CDH18: variants seen among roughly 807,000 people sequenced by gnomAD.
CDH18 encodes cadherin 18, also known as cadherin-18.
CDH18 carries 31 observed loss-of-function variants against 67.9 expected under a neutral mutation model. That is an observed-to-expected ratio of 0.46 (90% CI 0.34 to 0.62). The LOEUF (loss-of-function observed/expected upper bound fraction) is 0.62. Among genes scored for constraint, CDH18 ranks in the 20% least tolerant of loss-of-function variants. The pLI is 0.01. For missense variants in CDH18, 890 were observed against 975.5 expected (o/e 0.91, Z 1.17); for synonymous variants, 362 against 347.2 (o/e 1.04, Z -0.48).
At chr5:19,787,747 T>TA (rs1775959219) in intron 3 of CDH18, among the ~76,000 whole-genome samples, 1 of 150,292 alleles carries the variant, frequency 6.7e-6, no homozygotes, top group Non-Finnish European at 1.5e-5. Flanking sequence ...AGATAGAATT[T>TA]AAAAAAATAA....
At chr5:19,920,003 A>G (rs1792253790) in intron 2 of CDH18, among the ~76,000 whole-genome samples, 1 of 152,192 alleles carries the variant, frequency 6.6e-6, no homozygotes, top group East Asian at 1.9e-4. Context: ...AAGGCCTAAT[A>G]AATTGCAAAA....
At position 20,418,242 on chromosome 5, in the gene CDH18, ATTTTTTTT is replaced by A. The variant is rs58308147; in HGVS notation, c.-580+157212_-580+157219del. 4.0e-3 allele frequency among the ~76,000 whole-genome samples: 229 copies of A among 56,928 alleles called. 3 individuals are homozygous for A. The Middle Eastern group carries it at 0.083, about 21-fold the overall frequency. The allele number at this position is 56,928 out of a possible 152,430, so 37.3% of individuals were successfully genotyped here. Reference sequence around the variant, plus strand: ...AGGTGTCTGCCACCACTGCTGGCTAATTTTTTTTTTTTTTTTTTTTTTTTGTATTTTCA... The same window carrying A: ...AGGTGTCTGCCACCACTGCTGGCTAATTTTTTTTTTTTTTTTGTATTTTCA... On this transcript the variant is annotated intron_variant, in intron 1 of 14. Coordinates refer to the CDH18 transcript ENST00000507958.
At chr5:19,864,886 G>T (rs1212102374) in intron 2 of CDH18, among the ~76,000 whole-genome samples, 2 of 152,098 alleles carry the variant, frequency 1.3e-5, no homozygotes, top group African/African-American at 4.8e-5. Context: ...CACAAATTTG[G>T]ATGTGCAAGG....
intron 1 of CDH18, among the ~76,000 whole-genome samples, chr5:20,516,479 T>C (rs1755379068): frequency 6.6e-6 from 1 of 151,968 alleles, no homozygotes; most frequent in Non-Finnish European, 1.5e-5. Context: ...CAGGTGACTT[T>C]GGGCTGAGTT....
At chr5:20,258,721 C>T (rs1021113102) in intron 1 of CDH18, among the ~76,000 whole-genome samples, 28 of 151,988 alleles carry the variant, frequency 1.8e-4, no homozygotes, top group African/African-American at 6.3e-4. Flanking sequence ...TACTTTCATA[C>T]TTACATGTTC....
chr5:20,211,275 A>C (rs1005471539), intron 2 of CDH18, among the ~76,000 whole-genome samples: 1 of 152,290 alleles, frequency 6.6e-6, no homozygotes, highest in Non-Finnish European at 1.5e-5. Flanking sequence ...TGGGCAGCTC[A>C]ATGAGGCCTG....
intron 2 of CDH18, among the ~76,000 whole-genome samples, chr5:19,967,337 T>C (rs1207754829): frequency 6.6e-6 from 1 of 152,070 alleles, no homozygotes; most frequent in Non-Finnish European, 1.5e-5. Flanking sequence ...ATGTTATAAT[T>C]AGAAAAATAT....
chr5:20,216,856 GA>G (rs2126421892), intron 2 of CDH18, among the ~76,000 whole-genome samples: 1 of 151,972 alleles, frequency 6.6e-6, no homozygotes, highest in East Asian at 1.9e-4. Flanking sequence ...AAAGACAAAG[GA>G]AGGATCTTAA....
chr5:19,623,715 T>C, intron 5 of CDH18, among the ~76,000 whole-genome samples: 1 of 151,704 alleles, frequency 6.6e-6, no homozygotes, highest in East Asian at 1.9e-4. Context: ...ACACTTGGAA[T>C]ACGTGTTGTT....
chr5:20,569,483 G>A (rs746133434), intron 1 of CDH18, among the ~76,000 whole-genome samples: 8 of 151,924 alleles, frequency 5.3e-5, no homozygotes, highest in African/African-American at 1.4e-4. Context: ...TTAGCCAGGC[G>A]TGGTGTCATC....
At chr5:19,969,388 T>G (rs1797801378) in intron 2 of CDH18, among the ~76,000 whole-genome samples, 1 of 150,072 alleles carries the variant, frequency 6.7e-6, no homozygotes, top group African/African-American at 2.5e-5. Context: ...TAAAGACACA[T>G]GCACATGTAT....
intron 3 of CDH18, among the ~76,000 whole-genome samples, chr5:19,797,684 GACAA>G (rs754047198): frequency 6.6e-6 from 1 of 151,848 alleles, no homozygotes; most frequent in Non-Finnish European, 1.5e-5. Context: ...AGAAATCAAA[GACAA>G]ACAAAATAAA....
intron 1 of CDH18, among the ~76,000 whole-genome samples, chr5:20,256,510 A>G (rs1332604436): frequency 6.6e-6 from 1 of 152,134 alleles, no homozygotes; most frequent in Non-Finnish European, 1.5e-5. Flanking sequence ...TGTGCCAAAC[A>G]TTATTATTTA....
chr5:19,581,519 C>T (rs1287436535), intron 7 of CDH18, among the ~76,000 whole-genome samples: 2 of 151,874 alleles, frequency 1.3e-5, no homozygotes, highest in East Asian at 3.9e-4. Context: ...GCTGTTTAGC[C>T]AAGTTGCCGT....
At chr5:20,364,522 G>C (rs1742357844) in intron 1 of CDH18, among the ~76,000 whole-genome samples, 1 of 152,056 alleles carries the variant, frequency 6.6e-6, no homozygotes, top group African/African-American at 2.4e-5. Flanking sequence ...GAGAGTCTAG[G>C]TTTTAGAACA....
intron 2 of CDH18, among the ~76,000 whole-genome samples, chr5:20,221,227 T>G (rs1741196224): frequency 6.6e-6 from 1 of 152,020 alleles, no homozygotes; most frequent in African/African-American, 2.4e-5. Flanking sequence ...ATCAACAGAT[T>G]AATGGATAAA....
In CDH18 at chr5:20,041,576, A is replaced by G. The variant is rs1439385673; in HGVS notation, c.-517-49562T>C. On this transcript the variant is annotated intron_variant, in intron 2 of 14. Coordinates refer to the CDH18 transcript ENST00000507958. ...TGCAAGCTGCTTGGCTTATGTGATAAAACAATGTTGATAATGTCACAGGGA... is the reference window on the plus strand; with the variant it reads ...TGCAAGCTGCTTGGCTTATGTGATAGAACAATGTTGATAATGTCACAGGGA... Among the ~76,000 whole-genome samples the G allele has an allele frequency of 8.5e-5, 13 of 152,230 alleles. No homozygotes were observed. The East Asian group carries it at 2.5e-3, about 29-fold the overall frequency.
chr5:19,642,491 G>A (rs1480663920), intron 5 of CDH18, among the ~76,000 whole-genome samples: 1 of 151,988 alleles, frequency 6.6e-6, no homozygotes, highest in African/African-American at 2.4e-5. Flanking sequence ...ACAAACCAAT[G>A]GAACTGAATA....
At chr5:20,448,154 G>GT (rs1427441660) in intron 1 of CDH18, among the ~76,000 whole-genome samples, 3 of 151,778 alleles carry the variant, frequency 2.0e-5, no homozygotes, top group African/African-American at 7.3e-5. Flanking sequence ...GCGGTGTTTG[G>GT]TTTTTTGTCC....
Sources: gnomAD v4.1 joint callset for allele counts (sites outside exome capture counted in the v4.1 genomes callset) on GRCh38, gnomAD v4.1.1 for gene constraint, MANE v1.5 for transcripts, NCBI Gene and HGNC (gene_info 2026-07-23, HGNC 2026-07-21) for gene names.